EYA3: variants seen among roughly 807,000 people sequenced by gnomAD.
EYA3 encodes EYA transcriptional coactivator and phosphatase 3.
Under a neutral mutation model 80.0 loss-of-function variants are expected in EYA3, and 39 were observed. The observed-to-expected ratio is 0.49, with a 90% CI of 0.38 to 0.64. EYA3 has a LOEUF of 0.64. Ranked by LOEUF, EYA3 falls within the 30% of genes least tolerant of loss-of-function variation. The pLI, the probability that EYA3 is intolerant of heterozygous loss-of-function variation, is 0.00. For synonymous variants in EYA3, 206 were observed against 232.8 expected (o/e 0.88, Z 1.05); for missense variants, 523 against 676.1 (o/e 0.77, Z 2.51).
intron 1 of EYA3, among the ~76,000 whole-genome samples, chr1:28,065,536 C>T (rs1018049097): frequency 2.0e-5 from 3 of 151,516 alleles, no homozygotes; most frequent in Non-Finnish European, 2.9e-5. Context: ...GCTGGGATTA[C>T]AGGTGTGAGC....
At chr1:28,061,446 C>T (rs930624417) in intron 1 of EYA3, among the ~76,000 whole-genome samples, 1 of 152,244 alleles carries the variant, frequency 6.6e-6, no homozygotes, top group African/African-American at 2.4e-5. Flanking sequence ...GCATGCTATA[C>T]AATCAAAAGT....
rs1640219175 is a variant in EYA3, at chr1:27,993,544, T to C, written c.1159A>G (p.Thr387Ala). 4.4e-6 allele frequency: 7 copies of C among 1,590,302 alleles called. No individual in the cohort carries two copies. The East Asian group carries it at 1.6e-4, about 36-fold the overall frequency. ...GQDLSNYSFS[T>A]DGFSGSGGSG... ...CCTCCTGAGCCACTGAAACCATCTG[T>C]TGAGAAACTGTAGTTGCTGCAAGGA... Residue 387 changes from threonine (T) to alanine (A), a missense_variant, in exon 14 of 18, where the codon ACA becomes GCA. Around this residue, in one of 2 missense-constraint regions of EYA3, gnomAD observed 219 missense variants for 332.8 expected, o/e 0.66. Coordinates refer to ENST00000373871, the MANE Select transcript of EYA3 (RefSeq NM_001990.4).
At chr1:28,046,420 G>T (rs552343112) in intron 3 of EYA3, among the ~76,000 whole-genome samples, 1 of 152,240 alleles carries the variant, frequency 6.6e-6, no homozygotes, top group African/African-American at 2.4e-5. Flanking sequence ...AGATTAAGTA[G>T]GTTGATTTGG....
chr1:28,046,823 T>C (rs1353009600), intron 3 of EYA3, among the ~76,000 whole-genome samples: 1 of 141,730 alleles, frequency 7.1e-6, no homozygotes, highest in Non-Finnish European at 1.5e-5. Flanking sequence ...GTAGATCTTA[T>C]AGTTAAGTTT....
At position 27,974,202 on chromosome 1, in the gene EYA3, CA is replaced by C. The variant is rs1248863456; in HGVS notation, c.*263del. On this transcript the variant is annotated 3_prime_UTR_variant, in exon 18 of 18. Transcript: ENST00000373871. ...ACACGGGGCTGCAGCTCACTCTTAG[CA>C]AAAATTGCAGCTGTTGGTTCTGATT... is the stretch of plus-strand genomic sequence containing the variant. 7.6e-6 allele frequency: 2 copies of C among 262,348 alleles called. No homozygotes were observed. Among genetic ancestry groups the C allele is most frequent in the Admixed American group, 4.9e-5 (1 of 20,386 alleles). 16.3% of individuals were successfully genotyped at this position (262,348 alleles called of 1,614,324 possible).
intron 1 of EYA3, among the ~76,000 whole-genome samples, chr1:28,076,188 A>G (rs1645193733): frequency 6.6e-6 from 1 of 152,176 alleles, no homozygotes. Flanking sequence ...ACCTTCCATA[A>G]ATAAATAGTG....
chr1:28,045,209 G>C (rs981079573), intron 3 of EYA3, among the ~76,000 whole-genome samples: 2 of 152,186 alleles, frequency 1.3e-5, no homozygotes, highest in African/African-American at 4.8e-5. Flanking sequence ...GTACTAAGAT[G>C]TGATTATGGA....
intron 2 of EYA3, among the ~76,000 whole-genome samples, chr1:28,052,912 G>A (rs1644305461): frequency 6.6e-6 from 1 of 152,114 alleles, no homozygotes; most frequent in South Asian, 2.1e-4. Context: ...CTGCACTCCA[G>A]CCTGGGCAAC....
Position 28,038,826 on chromosome 1 carries a change from T to A in EYA3, c.224+13A>T. ...AAAAGCATATGCATTTTGGAAATAA[T>A]TATTCAACTTACTTTGCAGAATACA... On this transcript the variant is annotated intron_variant, in intron 5 of 17. Transcript: ENST00000373871. 1 of 1,510,216 alleles carries A rather than the reference T, an allele frequency of 6.6e-7. No homozygotes were observed. The highest frequency in any genetic ancestry group is 9.0e-7 in the Non-Finnish European group (1 of 1,108,458). The allele number at this position is 1,510,216 out of a possible 1,614,324, so 93.6% of individuals were successfully genotyped here.
At chr1:28,087,374 ATTCTAAGTAATGTAC>A (rs1199872867) in intron 1 of EYA3, among the ~76,000 whole-genome samples, 1 of 152,220 alleles carries the variant, frequency 6.6e-6, no homozygotes, top group East Asian at 1.9e-4. Flanking sequence ...TTAGAAGAAT[ATTCTAAGTAATGTAC>A]TTCTAAGTAA....
In EYA3 at chr1:28,042,005, C is replaced by G. The variant is rs572263498; in HGVS notation, c.157+566G>C. 3.9e-5 allele frequency among the ~76,000 whole-genome samples: 6 copies of G among 152,160 alleles called. No individual in the cohort carries two copies. In the East Asian group the frequency reaches 1.2e-3, roughly 29 times the overall value. ...GGTTTTCCACAAAATGGACAGTTTC[C>G]CAATGGACCAGAATCACCTGGCTAA... is the stretch of plus-strand genomic sequence containing the variant. On this transcript the variant is annotated intron_variant, in intron 4 of 17. Coordinates refer to ENST00000373871, the MANE Select transcript of EYA3 (RefSeq NM_001990.4).
chr1:28,053,286 T>C (rs1226622390), intron 2 of EYA3, among the ~76,000 whole-genome samples: 1 of 151,904 alleles, frequency 6.6e-6, no homozygotes, highest in Non-Finnish European at 1.5e-5. Flanking sequence ...AAAGGGTGAA[T>C]TGTAGGATAT....
At chr1:28,066,014 A>G (rs1456607807) in intron 1 of EYA3, among the ~76,000 whole-genome samples, 5 of 152,072 alleles carry the variant, frequency 3.3e-5, no homozygotes, top group Non-Finnish European at 2.9e-5. Context: ...CTCAAAAAAA[A>G]AAAACAAAAA....
chr1:28,034,628 A>G (rs1020653372), intron 6 of EYA3, among the ~76,000 whole-genome samples: 34 of 152,312 alleles, frequency 2.2e-4, no homozygotes, highest in African/African-American at 8.2e-4. Flanking sequence ...TAACAAGCCT[A>G]AAAGTAAGAA....
intron 13 of EYA3, among the ~76,000 whole-genome samples, chr1:27,995,733 A>G (rs986617795): frequency 2.6e-5 from 4 of 152,044 alleles, no homozygotes; most frequent in Non-Finnish European, 4.4e-5. Context: ...AATAAAAATG[A>G]ACAAAGAAAT....
intron 15 of EYA3, among the ~76,000 whole-genome samples, chr1:27,989,169 T>C (rs1260149770): frequency 6.6e-6 from 1 of 152,244 alleles, no homozygotes; most frequent in Non-Finnish European, 1.5e-5. Flanking sequence ...CTTTACTGTT[T>C]ACTACGTTGT....
chr1:28,024,721 A>G (rs1044682332), intron 7 of EYA3, among the ~76,000 whole-genome samples: 13 of 152,192 alleles, frequency 8.5e-5, no homozygotes, highest in African/African-American at 2.9e-4. Context: ...CTTGAATATT[A>G]TTTAACCAAT....
chr1:28,036,573 C>T (rs1643466259), intron 5 of EYA3, among the ~76,000 whole-genome samples: 2 of 152,198 alleles, frequency 1.3e-5, no homozygotes, highest in Non-Finnish European at 2.9e-5. Context: ...TGGGAAGTTC[C>T]AGACAGGACT....
intron 7 of EYA3, among the ~76,000 whole-genome samples, chr1:28,024,500 T>C (rs1227952983): frequency 6.6e-6 from 1 of 151,628 alleles, no homozygotes; most frequent in Non-Finnish European, 1.5e-5. Flanking sequence ...CTACTAAAAA[T>C]ACAAAAATTA....
Sources: gnomAD v4.1 joint callset for allele counts (sites outside exome capture counted in the v4.1 genomes callset) on GRCh38, gnomAD v4.1.1 for gene constraint, gnomAD v4.1.1 regional missense constraint, MANE v1.5 for transcripts, NCBI Gene and HGNC (gene_info 2026-07-23, HGNC 2026-07-21) for gene names.